NT5C2: variants seen among roughly 807,000 people sequenced by gnomAD.
NT5C2 encodes the protein 5'-nucleotidase, cytosolic II, also known as cytosolic purine 5'-nucleotidase.
A neutral mutation model predicts 76.1 loss-of-function variants in NT5C2; 58 were observed. That is an observed-to-expected ratio of 0.76 (90% confidence interval 0.62 to 0.95). The LOEUF is 0.95. Among genes scored for constraint, NT5C2 ranks in the 40% least tolerant of loss-of-function variants. The pLI, the probability that NT5C2 is intolerant of heterozygous loss-of-function variation, is 0.00. For synonymous variants in NT5C2, 229 were observed against 237.4 expected (o/e 0.96, Z 0.32); for missense variants, 478 against 690.3 (o/e 0.69, Z 3.45).
chr10:103,171,004 G>C (rs2087837182), intron 3 of NT5C2, among the ~76,000 whole-genome samples: 1 of 152,050 alleles, frequency 6.6e-6, no homozygotes, highest in South Asian at 2.1e-4. Flanking sequence ...CAAATGTTAT[G>C]TTTTATTACA....
intron 16 of NT5C2, among the ~76,000 whole-genome samples, 174 bp from the exon 17 acceptor site, chr10:103,091,170 G>T (rs1169481831): frequency 6.6e-6 from 1 of 151,980 alleles, no homozygotes; most frequent in Non-Finnish European, 1.5e-5. Context: ...TAATTAGCTG[G>T]GATTACAGGC....
intron 1 of NT5C2, among the ~76,000 whole-genome samples, chr10:103,184,896 ATTTG>A (rs1448219438): frequency 6.6e-6 from 1 of 152,168 alleles, no homozygotes; most frequent in Admixed American, 6.5e-5. Context: ...TGCCTTGACA[ATTTG>A]TTTTTCTTCT....
At chr10:103,090,141 T>C (rs1453571254) in intron 18 of NT5C2, 1 of 440,780 alleles carries the variant, frequency 2.3e-6, no homozygotes, top group Admixed American at 3.9e-5. Flanking sequence ...TTGGAAAAGA[T>C]GGAGAGGGGA....
At chr10:103,156,781 G>A (rs996092962) in intron 3 of NT5C2, among the ~76,000 whole-genome samples, 6 of 146,342 alleles carry the variant, frequency 4.1e-5, no homozygotes, top group African/African-American at 1.3e-4. Flanking sequence ...TCAAGGGCCA[G>A]GTACAGTGGC....
intron 4 of NT5C2, among the ~76,000 whole-genome samples, chr10:103,107,058 G>A (rs80122405): frequency 0.016 from 2,456 of 152,086 alleles, 59 homozygotes; most frequent in East Asian, 0.072. Flanking sequence ...GATATTAATC[G>A]TGAGAATAAA....
chr10:103,164,590 T>C (rs993217850), intron 3 of NT5C2, among the ~76,000 whole-genome samples: 2 of 152,032 alleles, frequency 1.3e-5, no homozygotes, highest in African/African-American at 4.8e-5. Context: ...AAAACCTAAA[T>C]GTCCACCAAC....
chr10:103,093,891 G>A lies in NT5C2; in HGVS notation c.988+81C>T. 4.8e-6 allele frequency: 5 copies of A among 1,040,150 alleles called. No individual in the cohort carries two copies. In the Middle Eastern group the frequency reaches 6.1e-4, roughly 127 times the overall value. 64.4% of individuals were successfully genotyped at this position (1,040,150 alleles called of 1,614,324 possible). Reference sequence around the variant, plus strand: ...TCTTAGACTACTAAACAGTATATGTGGCACTTTGCTGAGAGATTACCAAAG... The same window carrying A: ...TCTTAGACTACTAAACAGTATATGTAGCACTTTGCTGAGAGATTACCAAAG... On this transcript the variant is annotated intron_variant, in intron 14 of 18. Coordinates refer to ENST00000404739, the MANE Select transcript of NT5C2 (RefSeq NM_001351169.2).
In NT5C2 at chr10:103,089,674, A is replaced by G; in HGVS notation, c.1684T>C (p.Ter562GlnextTer41). The change falls in exon 19 of 19, where the codon TAA (stop) becomes CAA (glutamine). Residue 562 changes from the stop codon to glutamine (Q), a stop_lost. Coordinates refer to ENST00000404739, the MANE Select transcript of NT5C2 (RefSeq NM_001351169.2). ...GCTTGGGGTTTTGGTTTTCCTCCTT[A>G]TTCTTCCTCCTCCTCCTCCTCTTCA... Reference protein sequence around the residue: ...DDEEEEEEEE* With the variant: ...DDEEEEEEEEQ The G allele has an allele frequency of 6.3e-7, 1 of 1,594,964 alleles. No homozygotes were observed. The highest frequency in any genetic ancestry group is 8.5e-7 in the Non-Finnish European group (1 of 1,171,136).
intron 3 of NT5C2, among the ~76,000 whole-genome samples, chr10:103,167,122 T>C (rs2086603640): frequency 6.6e-6 from 1 of 151,794 alleles, no homozygotes; most frequent in South Asian, 2.1e-4. Context: ...TTCAAGCGAT[T>C]CTCCTGCCTC....
chr10:103,110,743 A>G (rs959729665), intron 4 of NT5C2, among the ~76,000 whole-genome samples: 2 of 152,192 alleles, frequency 1.3e-5, no homozygotes, highest in Non-Finnish European at 2.9e-5. Context: ...CCAGATAATC[A>G]CAAATGATTT....
chr10:103,110,167 A>C (rs2072577085), intron 4 of NT5C2, among the ~76,000 whole-genome samples: 1 of 152,046 alleles, frequency 6.6e-6, no homozygotes, highest in African/African-American at 2.4e-5. Context: ...AGGAGTGGTA[A>C]CTCACACCTG....
intron 1 of NT5C2, among the ~76,000 whole-genome samples, chr10:103,183,962 G>GT (rs2091672814): frequency 7.2e-6 from 1 of 139,020 alleles, no homozygotes; most frequent in Non-Finnish European, 1.6e-5. Context: ...TTTTTTTTTA[G>GT]TTTTTTTGAG....
chr10:103,189,688 T>G (rs1308991956), intron 1 of NT5C2, among the ~76,000 whole-genome samples: 1 of 151,856 alleles, frequency 6.6e-6, no homozygotes, highest in East Asian at 1.9e-4. Context: ...CTGAATTTTT[T>G]TTTTTTGAGA....
chr10:103,095,740 G>A (rs1411738156), intron 12 of NT5C2, among the ~76,000 whole-genome samples, 199 bp downstream of exon 12: 2 of 151,942 alleles, frequency 1.3e-5, no homozygotes, highest in East Asian at 3.8e-4. Context: ...TTCAAGTTGC[G>A]GACTCTAAAT....
At chr10:103,183,261 TG>T (rs1266337015) in intron 1 of NT5C2, among the ~76,000 whole-genome samples, 19 of 45,514 alleles carry the variant, frequency 4.2e-4, no homozygotes, top group African/African-American at 7.1e-4. Flanking sequence ...TGTGTGTGTG[TG>T]ATATATATAT....
chr10:103,144,862 T>C (rs2081205645), intron 3 of NT5C2, among the ~76,000 whole-genome samples: 1 of 152,218 alleles, frequency 6.6e-6, no homozygotes, highest in Non-Finnish European at 1.5e-5. Flanking sequence ...CAAATATCCT[T>C]TATCTTTCCA....
intron 3 of NT5C2, among the ~76,000 whole-genome samples, chr10:103,170,245 G>C (rs889054732): frequency 6.6e-6 from 1 of 152,158 alleles, no homozygotes. Flanking sequence ...AGAAGTTTGA[G>C]GTTACCGTGA....
chr10:103,139,409 C>G lies in NT5C2; in HGVS notation c.172G>C (p.Ala58Pro). 1 of 1,572,984 alleles carries G rather than the reference C, an allele frequency of 6.4e-7. No homozygotes were observed. Among genetic ancestry groups the G allele is most frequent in the Non-Finnish European group, 8.6e-7 (1 of 1,156,100 alleles). ...CFGFDMDYTLAVYKSPEYESL... is the reference protein window; with the variant it reads ...CFGFDMDYTLPVYKSPEYESL... ...GCAATCAGAAATTGCTACTCACCAG[C>G]AAGGGTATAATCCATATCAAAACCA... The change falls in exon 4 of 19, where the codon GCT becomes CCT. Residue 58 changes from alanine to proline, a missense_variant. Physicochemically the swap from Ala to Pro is conservative, Grantham distance 27. Transcript: ENST00000404739.
chr10:103,102,848 C>T (rs945355954), intron 6 of NT5C2, among the ~76,000 whole-genome samples: 2 of 151,772 alleles, frequency 1.3e-5, no homozygotes, highest in Non-Finnish European at 2.9e-5. Flanking sequence ...AGGTCAAGAA[C>T]TTAAAAGAGA....
Sources: allele counts gnomAD v4.1 joint callset (sites outside exome capture counted in the v4.1 genomes callset), GRCh38; gene constraint gnomAD v4.1.1; transcripts MANE v1.5; gene names NCBI Gene and HGNC (gene_info 2026-07-23, HGNC 2026-07-21).